Variants in ZBED1 observed in about 807,000 individuals in gnomAD.
The protein encoded by ZBED1 is E3 SUMO-protein ligase ZBED1.
A neutral mutation model predicts 49.7 loss-of-function variants in ZBED1; 19 were observed. That is an observed-to-expected ratio of 0.38 (90% CI 0.27 to 0.56). The LOEUF (loss-of-function observed/expected upper bound fraction) is 0.56, where lower values mean the gene tolerates loss of function less well. Ranked by LOEUF, ZBED1 falls within the 20% of genes least tolerant of loss-of-function variation. The pLI is 0.70. For missense variants in ZBED1, 806 were observed against 972.6 expected, an observed-to-expected ratio of 0.83 and a Z score of 2.28; for synonymous variants, 439 against 440.3, an observed-to-expected ratio of 1.00 and a Z score of 0.04.
chrX:2,493,343 T>C (rs55896289), intron 1 of ZBED1, among the ~76,000 whole-genome samples: 9,373 of 152,168 alleles, frequency 0.062, 404 homozygotes, highest in Non-Finnish European at 0.095. Context: ...TATTATTATT[T>C]GGCTGAAACA....
intron 1 of ZBED1, among the ~76,000 whole-genome samples, chrX:2,495,901 G>C (rs979051821): frequency 1.3e-5 from 2 of 152,070 alleles, no homozygotes; most frequent in Non-Finnish European, 2.9e-5. Context: ...ACGACACGTC[G>C]CAAGAGACCA....
chrX:2,496,445 C>T lies in ZBED1; in HGVS notation c.-54+4372G>A, dbSNP rs760262267. On this transcript the variant is annotated intron_variant, in intron 1 of 1. Transcript: ENST00000652001. ...AACTCCTGAGCTCAGGCAATCCACC[C>T]GCCTCAGCCTCCCAAAGTGCTGGGA... 2.6e-5 allele frequency among the ~76,000 whole-genome samples: 4 copies of T among 152,210 alleles called. No individual in the cohort carries two copies. In the East Asian group the frequency reaches 5.8e-4, roughly 22 times the overall value.
intron 1 of ZBED1, among the ~76,000 whole-genome samples, chrX:2,493,403 T>C (rs376688600): frequency 8.5e-5 from 13 of 152,052 alleles, no homozygotes; most frequent in African/African-American, 2.2e-4. Flanking sequence ...TTATTATTTG[T>C]GCTATTGGGC....
chrX:2,495,273 C>T (rs2045253063), intron 1 of ZBED1, among the ~76,000 whole-genome samples: 1 of 151,384 alleles, frequency 6.6e-6, no homozygotes, highest in Admixed American at 6.6e-5. Flanking sequence ...TATATTTTAT[C>T]ATTATTATCA....
intron 1 of ZBED1, among the ~76,000 whole-genome samples, chrX:2,491,069 T>TTG (rs1569347171): frequency 8.5e-6 from 1 of 117,858 alleles, no homozygotes; most frequent in Non-Finnish European, 1.9e-5. Context: ...GCCTTTAGTT[T>TTG]TTTTTTTTTT....
chrX:2,497,391 C>A (rs2045311621), intron 1 of ZBED1, among the ~76,000 whole-genome samples: 1 of 152,080 alleles, frequency 6.6e-6, no homozygotes, highest in African/African-American at 2.4e-5. Context: ...GAAACTTGGT[C>A]TCAAGAAAAA....
chrX:2,490,941 A>AC (rs1484613765), intron 1 of ZBED1, among the ~76,000 whole-genome samples, 169 bp from the exon 2 acceptor site: 1 of 152,066 alleles, frequency 6.6e-6, no homozygotes, highest in Non-Finnish European at 1.5e-5. Context: ...GGAGGAGGGA[A>AC]CCTAGCGCAG....
At chrX:2,497,027 A>G (rs1294170593) in intron 1 of ZBED1, among the ~76,000 whole-genome samples, 1 of 152,124 alleles carries the variant, frequency 6.6e-6, no homozygotes, top group Non-Finnish European at 1.5e-5. Flanking sequence ...TAACAGGATG[A>G]CTTATTGACT....
rs1169759245 is a variant in ZBED1 at position 2,489,994 on chromosome X, G to A, written c.726C>T (p.Asn242=). ...CLKTFEVPEE[N]TAETITRVLY... Reference sequence around the variant, plus strand: ...GCACTCGCGTGATGGTCTCCGCCGTGTTCTCTTCGGGCACCTCGAAGGTCT... The same window carrying A: ...GCACTCGCGTGATGGTCTCCGCCGTATTCTCTTCGGGCACCTCGAAGGTCT... The change falls in exon 2 of 2, where the codon AAC becomes AAT. Residue 242 remains asparagine, a synonymous_variant. Transcript: ENST00000652001. 8 of 1,613,788 alleles carry A rather than the reference G, an allele frequency of 5.0e-6. No homozygotes were observed. The highest frequency in any genetic ancestry group is 5.9e-6 in the Non-Finnish European group (7 of 1,179,896).
intron 1 of ZBED1, chrX:2,500,383 T>C: frequency 5.8e-6 from 1 of 172,836 alleles, no homozygotes; most frequent in South Asian, 1.1e-4. Context: ...GGGCGCGCGG[T>C]CACTGGCCGA....
At chrX:2,495,820 C>T (rs2045270524) in intron 1 of ZBED1, among the ~76,000 whole-genome samples, 1 of 152,034 alleles carries the variant, frequency 6.6e-6, no homozygotes, top group South Asian at 2.1e-4. Flanking sequence ...CTCAGGGGGC[C>T]GGCGATTTCA....
chrX:2,486,961 C>G lies in ZBED1; in HGVS notation c.*1674G>C, dbSNP rs1045259044. 3 of 152,238 alleles carry G rather than the reference C, an allele frequency of 2.0e-5. No individual in the cohort carries two copies. The highest frequency in any genetic ancestry group is 2.0e-4 in the Admixed American group (3 of 15,284). 9.4% of individuals were successfully genotyped at this position (152,238 alleles called of 1,614,324 possible). ...GAGTTCTTGGGGTCTCGGCAGAACA[C>G]TGCCTGGAGCTGAGTGGGGTCATCC... is the stretch of plus-strand genomic sequence containing the variant. On this transcript the variant is annotated 3_prime_UTR_variant, in exon 2 of 2. Coordinates refer to ENST00000652001, the MANE Select transcript of ZBED1 (RefSeq NM_001171136.2).
intron 1 of ZBED1, 163 bp downstream of exon 1, chrX:2,500,654 G>GCCCCCCCCCCCCC (rs546772121): frequency 3.9e-5 from 5 of 126,744 alleles, no homozygotes; most frequent in South Asian, 2.5e-4. Flanking sequence ...CGCGCACGCC[G>GCCCCCCCCCCCCC]CCCCCCCCCC....
Position 2,486,763 on chromosome X carries a change from G to T in ZBED1, c.*1872C>A, listed in dbSNP as rs1486137314. 1 of 152,208 alleles carries T rather than the reference G, an allele frequency of 6.6e-6. No homozygotes were observed. Among genetic ancestry groups the T allele is most frequent in the South Asian group, 2.1e-4 (1 of 4,828 alleles). 9.4% of individuals were successfully genotyped at this position (152,208 alleles called of 1,614,324 possible). A position where few individuals can be genotyped will look rare whatever the true frequency, so the allele number is the denominator to read the frequency against. On this transcript the variant is annotated 3_prime_UTR_variant, in exon 2 of 2. Coordinates refer to ENST00000652001, the MANE Select transcript of ZBED1 (RefSeq NM_001171136.2). The stretch of plus-strand genomic sequence containing the variant: ...CCGGAGCTGAGGGTTCCAAGTTCAC[G>T]GCGGAACCGCTTCCCTTAAAAAGAA...
At chrX:2,491,078 T>TG (rs2045129883) in intron 1 of ZBED1, among the ~76,000 whole-genome samples, 1 of 80,206 alleles carries the variant, frequency 1.2e-5, no homozygotes, top group Non-Finnish European at 2.9e-5. Flanking sequence ...TTTTTTTTTT[T>TG]TTTTTTTTTG....
At position 2,490,632 on chromosome X, in the gene ZBED1, C is replaced by T. The variant is rs1354790140; in HGVS notation, c.88G>A (p.Gly30Ser). 3 of 1,613,808 alleles carry T rather than the reference C, an allele frequency of 1.9e-6. No individual in the cohort carries two copies. The highest frequency in any genetic ancestry group is 1.3e-5 in the African/African-American group (1 of 74,912). Reference protein sequence around the residue: ...RAKSKVWKYFGFDTNAEGCIL... With the variant: ...RAKSKVWKYFSFDTNAEGCIL... ...CATCCCTCGGCGTTGGTGTCGAAGCCGAAATACTTCCACACCTTGCTCTTG... is the reference window on the plus strand; with the variant it reads ...CATCCCTCGGCGTTGGTGTCGAAGCTGAAATACTTCCACACCTTGCTCTTG... Residue 30 changes from glycine to serine, a missense_variant, in exon 2 of 2, where the codon GGC becomes AGC. This residue lies in a region of ZBED1 where 57 missense variants were observed against 111.3 expected (regional missense o/e 0.51). Transcript: ENST00000652001.
intron 1 of ZBED1, among the ~76,000 whole-genome samples, chrX:2,491,799 G>A (rs951942792): frequency 6.6e-6 from 1 of 152,196 alleles, no homozygotes; most frequent in African/African-American, 2.4e-5. Flanking sequence ...GCCCAACTGG[G>A]CAAATATCAC....
At chrX:2,498,462 C>T (rs1314292205) in intron 1 of ZBED1, among the ~76,000 whole-genome samples, 6 of 152,128 alleles carry the variant, frequency 3.9e-5, no homozygotes, top group Non-Finnish European at 7.3e-5. Context: ...TTAATCCATA[C>T]ATAGGAAGGG....
Position 2,488,572 on chromosome X carries a change from A to G in ZBED1, c.*63T>C. The G allele has an allele frequency of 6.6e-7, 1 of 1,522,636 alleles. No individual in the cohort carries two copies. The highest frequency in any genetic ancestry group is 8.8e-7 in the Non-Finnish European group (1 of 1,136,878). 94.3% of individuals were successfully genotyped at this position (1,522,636 alleles called of 1,614,324 possible). A position where few individuals can be genotyped will look rare whatever the true frequency, so the allele number is the denominator to read the frequency against. On this transcript the variant is annotated 3_prime_UTR_variant, in exon 2 of 2. Coordinates refer to ENST00000652001, the MANE Select transcript of ZBED1 (RefSeq NM_001171136.2). ...TCAAAACCAAGCTGACCGGGTAAGT[A>G]TTTACAGCAAAGCATCCAATGGGCT...
Sources: gnomAD v4.1 joint callset for allele counts (sites outside exome capture counted in the v4.1 genomes callset) on GRCh38, gnomAD v4.1.1 for gene constraint, gnomAD v4.1.1 regional missense constraint, MANE v1.5 for transcripts, NCBI Gene and HGNC (gene_info 2026-07-23, HGNC 2026-07-21) for gene names.